Variants in GRIP2 observed in about 807,000 individuals in gnomAD.
GRIP2 encodes the protein glutamate receptor interacting protein 2.
A neutral mutation model predicts 108.3 loss-of-function variants in GRIP2; 58 were observed. The ratio of observed to expected loss-of-function variants is 0.54; its 90% CI spans 0.43 to 0.67. The LOEUF (loss-of-function observed/expected upper bound fraction) is 0.67. Among genes scored for constraint, GRIP2 ranks in the 30% least tolerant of loss-of-function variants. The probability of loss-of-function intolerance (pLI) is 0.00; values close to 1 mark genes in which losing one functional copy is unlikely to be tolerated. For missense variants in GRIP2, 1,278 were observed against 1,430.6 expected (o/e 0.89, Z 1.72); for synonymous variants, 586 against 598.2 (o/e 0.98, Z 0.30).
At chr3:14,500,770 A>G (rs1190345616) in intron 21 of GRIP2, among the ~76,000 whole-genome samples, 5 of 152,194 alleles carry the variant, frequency 3.3e-5, no homozygotes, top group African/African-American at 4.8e-5. Flanking sequence ...TGAGCTCAGA[A>G]AAAAAGGGGT....
upstream of GRIP2, among the ~76,000 whole-genome samples, chr3:14,542,911 C>A (rs1695000132): frequency 6.6e-6 from 1 of 152,174 alleles, no homozygotes; most frequent in Non-Finnish European, 1.5e-5. Flanking sequence ...ACTCAGGAGG[C>A]CTGGCACCAG....
chr3:14,534,378 CAG>C (rs937646151), intron 1 of GRIP2, among the ~76,000 whole-genome samples: 3 of 152,284 alleles, frequency 2.0e-5, no homozygotes, highest in African/African-American at 7.2e-5. Flanking sequence ...GCCCCCTCCT[CAG>C]AGAACATGCT....
chr3:14,501,225 G>T (rs757636760), intron 21 of GRIP2, among the ~76,000 whole-genome samples: 1 of 152,172 alleles, frequency 6.6e-6, no homozygotes, highest in African/African-American at 2.4e-5. Context: ...GAATTGGAAG[G>T]TACAAGTTTT....
rs116664144 is a variant in GRIP2, at chr3:14,512,062, G to A, written c.1721-583C>T. Reference sequence around the variant, plus strand: ...GCGGTAAATGTTCAGTCAGGTGGTCGGGGAAGGCCTTGTCAAGTGACATTT... The same window carrying A: ...GCGGTAAATGTTCAGTCAGGTGGTCAGGGAAGGCCTTGTCAAGTGACATTT... On this transcript the variant is annotated intron_variant, in intron 14 of 23. Transcript: ENST00000621039. This position sits in a 1 kb window ranked among gnomAD's most constrained non-coding sequence, Gnocchi z 5.1. Among the ~76,000 whole-genome samples the A allele has an allele frequency of 4.5e-3, 678 of 152,312 alleles. 8 individuals are homozygous for A. The highest frequency in any genetic ancestry group is 0.015 in the African/African-American group (640 of 41,562).
chr3:14,513,900 G>C, intron 12 of GRIP2, 90 bp from the exon 13 acceptor site: 2 of 1,471,770 alleles, frequency 1.4e-6, no homozygotes, highest in South Asian at 2.6e-5. Context: ...CTGAACCTGG[G>C]TCACACCTCC....
chr3:14,585,537 C>A, the GRIP2 span, among the ~76,000 whole-genome samples: 1 of 152,204 alleles, frequency 6.6e-6, no homozygotes, highest in Admixed American at 6.5e-5. Context: ...GGGAAAGGGA[C>A]TGCAGCTGGG....
chr3:14,522,705 G>C lies in GRIP2; in HGVS notation c.566+295C>G, dbSNP rs535834699. The C allele has an allele frequency of 2.8e-5, 11 of 396,948 alleles. No homozygotes were observed. The highest frequency in any genetic ancestry group is 2.5e-4 in the South Asian group (9 of 36,232). 24.6% of individuals were successfully genotyped at this position (396,948 alleles called of 1,614,324 possible). A position where few individuals can be genotyped will look rare whatever the true frequency, so the allele number is the denominator to read the frequency against. ...AGCAACTCTTAGGGACCATTCCACA[G>C]ACGGGAAAACCAAGGAGCAGGAAAG... On this transcript the variant is annotated intron_variant, in intron 6 of 23. Coordinates refer to ENST00000621039, the MANE Select transcript of GRIP2 (RefSeq NM_001080423.4). The surrounding 1 kb of genome is among the most constrained non-coding windows in gnomAD (Gnocchi z 4.3).
At chr3:14,568,864 C>T in the GRIP2 span, among the ~76,000 whole-genome samples, 1 of 152,222 alleles carries the variant, frequency 6.6e-6, no homozygotes, top group African/African-American at 2.4e-5. Flanking sequence ...GCCGTGCAGT[C>T]AGACAACCGA....
At chr3:14,510,575 TAAAAGAAAAG>T (rs548708361) in intron 16 of GRIP2, among the ~76,000 whole-genome samples, 202 of 149,488 alleles carry the variant, frequency 1.4e-3, no homozygotes, top group Admixed American at 2.3e-3. Context: ...CAACTTTTCT[TAAAAGAAAAG>T]AAAAGAAAAG....
intron 1 of GRIP2, among the ~76,000 whole-genome samples, chr3:14,528,616 G>A (rs1694625014): frequency 6.6e-6 from 1 of 152,080 alleles, no homozygotes; most frequent in African/African-American, 2.4e-5. Context: ...AACACTTTGG[G>A]AGGCCAGGGT....
At chr3:14,545,111 T>TCAC (rs1167668874), upstream of GRIP2, among the ~76,000 whole-genome samples, 1 of 152,186 alleles carries the variant, frequency 6.6e-6, no homozygotes, top group African/African-American at 2.4e-5. Flanking sequence ...ATGGCAGCCG[T>TCAC]GTGGACAGGC....
intron 1 of GRIP2, among the ~76,000 whole-genome samples, chr3:14,530,766 T>C (rs1023109261): frequency 2.0e-5 from 3 of 152,188 alleles, no homozygotes; most frequent in African/African-American, 7.2e-5. Context: ...ATCTATGGGG[T>C]AGATGAGATA....
In GRIP2 at chr3:14,550,043, G is replaced by A. The variant is rs1695120078; in HGVS notation, c.55+5857C>T. Among the ~76,000 whole-genome samples, 5 of 152,156 alleles carry A rather than the reference G, an allele frequency of 3.3e-5. No individual in the cohort carries two copies. The South Asian group carries it at 1.0e-3, about 32-fold the overall frequency. ...ATGCCAGAAAGATCAGCAGAGGTAT[G>A]GGGGTGGGAGCCCTGCAGGGTTTGG... On this transcript the variant is annotated intron_variant, in intron 1 of 23. Transcript: ENST00000637182.
the GRIP2 span, among the ~76,000 whole-genome samples, chr3:14,599,683 CTCTG>C: frequency 6.0e-4 from 63 of 105,132 alleles, no homozygotes; most frequent in African/African-American, 1.8e-3. Context: ...CTCTCTCTCT[CTCTG>C]TGTGTGTGTG....
At chr3:14,595,739 G>A in the GRIP2 span, among the ~76,000 whole-genome samples, 1 of 152,242 alleles carries the variant, frequency 6.6e-6, no homozygotes, top group African/African-American at 2.4e-5. Context: ...TCCGCAGGTT[G>A]CCCCTTGCAG....
At chr3:14,503,712 G>T in intron 20 of GRIP2, 41 bp from the exon 21 acceptor site, 5 of 1,250,666 alleles carry the variant, frequency 4.0e-6, no homozygotes, top group South Asian at 2.8e-5. Context: ...CCTGGCAGGC[G>T]GGTGGGCGGG....
the GRIP2 span, among the ~76,000 whole-genome samples, chr3:14,572,069 C>T: frequency 6.6e-6 from 1 of 152,020 alleles, no homozygotes; most frequent in African/African-American, 2.4e-5. Flanking sequence ...ATATGCATAT[C>T]CTGTGGGCTG....
At chr3:14,601,732 A>G in the GRIP2 span, among the ~76,000 whole-genome samples, 1 of 152,190 alleles carries the variant, frequency 6.6e-6, no homozygotes, top group African/African-American at 2.4e-5. Context: ...GGCAGGGACC[A>G]GCTCTCTCCG....
At chr3:14,573,853 G>T in the GRIP2 span, 9 of 1,370,958 alleles carry the variant, frequency 6.6e-6, no homozygotes, top group Middle Eastern at 2.0e-4. Flanking sequence ...CACATTGCCA[G>T]CATGGGCGAG....
Sources: allele counts gnomAD v4.1 joint callset (sites outside exome capture counted in the v4.1 genomes callset), GRCh38; gene constraint gnomAD v4.1.1; non-coding constraint Gnocchi (gnomAD v3.1); transcripts MANE v1.5; gene names NCBI Gene and HGNC (gene_info 2026-07-23, HGNC 2026-07-21).